The following LRP2BP variants were observed in gnomAD, a reference collection of about 807,000 sequenced individuals.
LRP2BP encodes the protein LRP2-binding protein.
LRP2BP carries 38 observed loss-of-function variants against 45.2 expected under a neutral mutation model. The observed-to-expected ratio is 0.84, with a 90% CI of 0.65 to 1.10. The LOEUF (loss-of-function observed/expected upper bound fraction) is 1.10. LRP2BP is among the 50% of genes least tolerant of loss of function. The pLI is 0.00. For missense variants in LRP2BP, 385 were observed against 418.9 expected, an observed-to-expected ratio of 0.92 and a Z score of 0.71; for synonymous variants, 153 against 153.9, an observed-to-expected ratio of 0.99 and a Z score of 0.04.
At chr4:185,397,138 C>A, upstream of LRP2BP, 1 of 1,613,014 alleles carries the variant, frequency 6.2e-7, no homozygotes, top group Non-Finnish European at 8.5e-7. Context: ...TGGATCTGTT[C>A]TCTTCCTGCA....
At chr4:185,370,601 T>A (rs552289992) in intron 8 of LRP2BP, 39 bp downstream of exon 8, 1 of 1,597,810 alleles carries the variant, frequency 6.3e-7, no homozygotes, top group East Asian at 2.2e-5. Context: ...GCCTGGCAGT[T>A]TCTCTTTGGG....
chr4:185,371,571 G>A (rs533490833), intron 7 of LRP2BP, among the ~76,000 whole-genome samples: 63 of 150,566 alleles, frequency 4.2e-4, no homozygotes, highest in African/African-American at 1.5e-3. Flanking sequence ...AAAGGATAAT[G>A]GAAAGAAGTC....
At chr4:185,389,033 C>A (rs2095480493) in intron 1 of LRP2BP, among the ~76,000 whole-genome samples, 1 of 151,702 alleles carries the variant, frequency 6.6e-6, no homozygotes, top group African/African-American at 2.4e-5. Flanking sequence ...GTGCCTGCCA[C>A]CACACCCAGC....
At chr4:185,390,502 G>C (rs1295411692) in intron 1 of LRP2BP, 1 of 148,764 alleles carries the variant, frequency 6.7e-6, no homozygotes, top group Non-Finnish European at 1.5e-5. Context: ...CTGGGTGACA[G>C]AGCAAGATTC....
Position 185,378,238 on chromosome 4 carries a change from A to C in LRP2BP, c.-21-31T>G. 3 of 1,603,524 alleles carry C rather than the reference A, an allele frequency of 1.9e-6. No individual in the cohort carries two copies. In the South Asian group the frequency reaches 3.4e-5, roughly 18 times the overall value. On this transcript the variant is annotated intron_variant, in intron 1 of 8. Transcript: ENST00000505916. The stretch of plus-strand genomic sequence containing the variant: ...AGCAAGAAGAAAAAATAAGTGGTAG[A>C]AATTTCTTCCTCCAGCGAAGTGCAA...
chr4:185,395,524 C>G lies in LRP2BP; in HGVS notation c.-767G>C. The G allele has an allele frequency of 1.0e-6, 1 of 984,882 alleles. No individual in the cohort carries two copies. The highest frequency in any genetic ancestry group is 1.2e-6 in the Non-Finnish European group (1 of 829,466). The allele number at this position is 984,882 out of a possible 1,614,324, so 61.0% of individuals were successfully genotyped here. On this transcript the variant is annotated 5_prime_UTR_variant, in exon 1 of 9. Transcript: ENST00000505916. ...ACAACAGTATCTCTACACTGCCGTT[C>G]TTTAAACATCATTAAAAGATATTGT...
rs2095497973 is a variant in LRP2BP at position 185,394,967 on chromosome 4, C to G, written c.-210G>C. 1 of 985,380 alleles carries G rather than the reference C, an allele frequency of 1.0e-6. No homozygotes were observed. Among genetic ancestry groups the G allele is most frequent in the Non-Finnish European group, 1.2e-6 (1 of 829,958 alleles). 61.0% of individuals were successfully genotyped at this position (985,380 alleles called of 1,614,324 possible). A position where few individuals can be genotyped will look rare whatever the true frequency, so the allele number is the denominator to read the frequency against. ...TACACGCCTGGTGAAACTCCAGTTA[C>G]TTGCCAGTAAGATATTGTCCCCCAA... On this transcript the variant is annotated 5_prime_UTR_variant, in exon 1 of 9. Transcript: ENST00000505916.
At chr4:185,396,614 C>T (rs1398061130), upstream of LRP2BP, 2 of 439,022 alleles carry the variant, frequency 4.6e-6, no homozygotes, top group Non-Finnish European at 8.2e-6. Context: ...GACGCATCCA[C>T]AGCTGGCCAA....
In LRP2BP at chr4:185,377,289, C is replaced by T. The variant is rs1209938512; in HGVS notation, c.107-271G>A. Reference sequence around the variant, plus strand: ...ATCTCAGCACTCTGGGAGGCCGAGGCGGGTGGATCACCTGAGTTTGGGAGT... The same window carrying T: ...ATCTCAGCACTCTGGGAGGCCGAGGTGGGTGGATCACCTGAGTTTGGGAGT... On this transcript the variant is annotated intron_variant, in intron 2 of 8. Transcript: ENST00000505916. 8.9e-6 allele frequency: 3 copies of T among 336,042 alleles called. 1 individual carries two copies. The highest frequency in any genetic ancestry group is 7.9e-5 in the Admixed American group (2 of 25,262). 20.8% of individuals were successfully genotyped at this position (336,042 alleles called of 1,614,324 possible).
rs148406727 is a variant in LRP2BP at position 185,394,496 on chromosome 4, C to T, written c.-22+283G>A. On this transcript the variant is annotated intron_variant, in intron 1 of 8. Coordinates refer to ENST00000505916, the MANE Select transcript of LRP2BP (RefSeq NM_001377440.1). Reference sequence around the variant, plus strand: ...GTAAAATGCAGATAATACCTATGAGCGTTAGTCTTGAGGCACAAGTGCTCA... The same window carrying T: ...GTAAAATGCAGATAATACCTATGAGTGTTAGTCTTGAGGCACAAGTGCTCA... Among the ~76,000 whole-genome samples the T allele has an allele frequency of 4.1e-3, 625 of 152,230 alleles. 5 individuals are homozygous for T. Among genetic ancestry groups the T allele is most frequent in the African/African-American group, 0.014 (601 of 41,526 alleles).
upstream of LRP2BP, chr4:185,396,787 G>T: frequency 1.1e-6 from 1 of 942,642 alleles, no homozygotes; most frequent in South Asian, 1.4e-5. Context: ...GGCTGCCAAG[G>T]GCCGGCCCGG....
At chr4:185,371,045 A>G in intron 7 of LRP2BP, 1 of 434,464 alleles carries the variant, frequency 2.3e-6, no homozygotes, top group South Asian at 5.1e-5. Context: ...CAGCAGGCTC[A>G]ATAACCACTG....
chr4:185,378,765 G>T, intron 1 of LRP2BP: 1 of 985,528 alleles, frequency 1.0e-6, no homozygotes, highest in African/African-American at 1.7e-5. Flanking sequence ...AAATGTAGCG[G>T]TCACCTCATT....
chr4:185,368,599 C>G (rs1467112729), intron 8 of LRP2BP, among the ~76,000 whole-genome samples: 1 of 152,164 alleles, frequency 6.6e-6, no homozygotes, highest in Non-Finnish European at 1.5e-5. Flanking sequence ...TGATATCATT[C>G]CAGACCCTTC....
At position 185,374,047 on chromosome 4, in the gene LRP2BP, C is replaced by T. The variant is rs749287847; in HGVS notation, c.579+88G>A. On this transcript the variant is annotated intron_variant, in intron 6 of 8. Transcript: ENST00000505916. ...AAGGAACTATAAGAGATATTTAAAA[C>T]GACATTCCCCACCATTTTCTCAAAA... is the stretch of plus-strand genomic sequence containing the variant. 4.5e-4 allele frequency: 483 copies of T among 1,082,118 alleles called. 1 individual carries two copies. The highest frequency in any genetic ancestry group is 9.1e-4 in the Admixed American group (42 of 46,076). The allele number at this position is 1,082,118 out of a possible 1,614,324, so 67.0% of individuals were successfully genotyped here. A position where few individuals can be genotyped will look rare whatever the true frequency, so the allele number is the denominator to read the frequency against.
intron 8 of LRP2BP, 57 bp downstream of exon 8, chr4:185,370,583 A>T: frequency 6.4e-7 from 1 of 1,559,884 alleles, no homozygotes. Flanking sequence ...TTCAAGTTGC[A>T]GCTAAAAGCC....
At position 185,394,994 on chromosome 4, in the gene LRP2BP, T is replaced by A; in HGVS notation, c.-237A>T. On this transcript the variant is annotated 5_prime_UTR_variant, in exon 1 of 9. Coordinates refer to ENST00000505916, the MANE Select transcript of LRP2BP (RefSeq NM_001377440.1). ...TGCCAGTAAGATATTGTCCCCCAAA[T>A]GTACTTATCCTGTTTTTGTGCATTA... is the stretch of plus-strand genomic sequence containing the variant. 2.0e-6 allele frequency: 2 copies of A among 985,488 alleles called. No homozygotes were observed. Among genetic ancestry groups the A allele is most frequent in the Middle Eastern group, 5.2e-4 (1 of 1,914 alleles). The allele number at this position is 985,488 out of a possible 1,614,324, so 61.0% of individuals were successfully genotyped here.
In LRP2BP at chr4:185,395,386, G is replaced by T. The variant is rs901619290; in HGVS notation, c.-629C>A. On this transcript the variant is annotated 5_prime_UTR_variant, in exon 1 of 9. Transcript: ENST00000505916. ...TTATTAGTTAGGAATTCCTGAAAAT[G>T]AACTTCTGTGCAAACCTGAAGCTTC... The T allele has an allele frequency of 2.0e-6, 2 of 985,260 alleles. No individual in the cohort carries two copies. Among genetic ancestry groups the T allele is most frequent in the Non-Finnish European group, 2.4e-6 (2 of 829,904 alleles). 61.0% of individuals were successfully genotyped at this position (985,260 alleles called of 1,614,324 possible).
At chr4:185,387,763 G>C (rs764679200) in intron 1 of LRP2BP, among the ~76,000 whole-genome samples, 33 of 152,202 alleles carry the variant, frequency 2.2e-4, no homozygotes, top group Non-Finnish European at 4.3e-4. Context: ...CACCCCGCTG[G>C]ATAACGGGTT....
Sources: gnomAD v4.1 joint callset for allele counts (sites outside exome capture counted in the v4.1 genomes callset) on GRCh38, gnomAD v4.1.1 for gene constraint, MANE v1.5 for transcripts, NCBI Gene and HGNC (gene_info 2026-07-23, HGNC 2026-07-21) for gene names.